Variants in RGS17 observed in about 807,000 individuals in gnomAD.
The protein encoded by RGS17 is regulator of G protein signaling 17.
In RGS17, 12 loss-of-function variants were observed where a neutral mutation model predicts 25.5. The observed-to-expected ratio is 0.47, with a 90% CI of 0.30 to 0.76. The LOEUF is 0.76. Ranked by LOEUF, RGS17 falls within the 30% of genes least tolerant of loss-of-function variation. The probability of loss-of-function intolerance (pLI) is 0.07; values close to 1 mark genes in which losing one functional copy is unlikely to be tolerated. For missense variants in RGS17, 196 were observed against 242.2 expected, an observed-to-expected ratio of 0.81 and a Z score of 1.27; for synonymous variants, 71 against 76.9, an observed-to-expected ratio of 0.92 and a Z score of 0.40.
chr6:153,129,217 A>G (rs1273084931), intron 1 of RGS17, among the ~76,000 whole-genome samples: 2 of 152,210 alleles, frequency 1.3e-5, no homozygotes, highest in Non-Finnish European at 2.9e-5. Context: ...AAAAGACTAT[A>G]AAAACTAGTG....
intron 1 of RGS17, among the ~76,000 whole-genome samples, chr6:153,114,752 C>A (rs1777520506): frequency 6.6e-6 from 1 of 152,172 alleles, no homozygotes; most frequent in African/African-American, 2.4e-5. Flanking sequence ...AGCTTCATCC[C>A]TGGGATGCAA....
At chr6:153,112,408 G>T (rs968940543) in intron 1 of RGS17, among the ~76,000 whole-genome samples, 12 of 152,124 alleles carry the variant, frequency 7.9e-5, no homozygotes, top group African/African-American at 2.9e-4. Context: ...ACGCCTCCAC[G>T]AAATATGGGA....
At chr6:153,095,744 A>T (rs1777199378) in intron 1 of RGS17, among the ~76,000 whole-genome samples, 1 of 152,202 alleles carries the variant, frequency 6.6e-6, no homozygotes, top group Non-Finnish European at 1.5e-5. Flanking sequence ...AGGACGCATA[A>T]ATCTCTGTAT....
intron 2 of RGS17, among the ~76,000 whole-genome samples, chr6:153,040,108 C>T (rs1489339014): frequency 1.7e-5 from 1 of 58,400 alleles, no homozygotes; most frequent in African/African-American, 9.1e-5. Context: ...TGGTTCTAAA[C>T]CACATCCTCC....
chr6:153,058,213 T>C (rs983220303), intron 1 of RGS17, among the ~76,000 whole-genome samples: 5 of 152,210 alleles, frequency 3.3e-5, no homozygotes, highest in African/African-American at 1.2e-4. Flanking sequence ...GAGTTGTTCA[T>C]AATGTTGCCA....
At chr6:153,123,872 G>A (rs1395463845) in intron 1 of RGS17, among the ~76,000 whole-genome samples, 1 of 152,162 alleles carries the variant, frequency 6.6e-6, no homozygotes, top group Non-Finnish European at 1.5e-5. Context: ...AGGGGAAAAG[G>A]CATAGTACAG....
chr6:153,070,547 G>A (rs1315126605), intron 1 of RGS17, among the ~76,000 whole-genome samples: 1 of 151,908 alleles, frequency 6.6e-6, no homozygotes, highest in African/African-American at 2.4e-5. Context: ...AGGACCTGTG[G>A]ATATGGAGGA....
chr6:153,129,146 T>C (rs538127552), intron 1 of RGS17, among the ~76,000 whole-genome samples: 14 of 152,352 alleles, frequency 9.2e-5, no homozygotes, highest in African/African-American at 3.1e-4. Flanking sequence ...CGAACACTTC[T>C]TTTCTTGTTA....
In RGS17 at chr6:153,024,466, G is replaced by T; in HGVS notation, c.240C>A (p.Ser80=). The T allele has an allele frequency of 1.2e-6, 2 of 1,614,162 alleles. No homozygotes were observed. Among genetic ancestry groups the T allele is most frequent in the Non-Finnish European group, 1.7e-6 (2 of 1,179,994 alleles). The change falls in exon 4 of 5, where the codon TCC becomes TCA. Residue 80 remains serine (S), a synonymous_variant. Transcript: ENST00000206262. Reference sequence around the variant, plus strand: ...TCATCTTGTCAAAATTTTGAGACCAGGACAAGACTTCCTCTGCAGTGGGGT... The same window carrying T: ...TCATCTTGTCAAAATTTTGAGACCATGACAAGACTTCCTCTGCAGTGGGGT... ...CQNPTAEEVL[S]WSQNFDKMMK...
chr6:153,094,426 A>G (rs1393102268), intron 1 of RGS17, among the ~76,000 whole-genome samples: 1 of 152,132 alleles, frequency 6.6e-6, no homozygotes, highest in African/African-American at 2.4e-5. Context: ...GTAATTAGAT[A>G]ATATCATAAT....
Position 153,032,431 on chromosome 6 carries a change from T to C in RGS17, c.120-5888A>G, listed in dbSNP as rs538410343. 1.7e-4 allele frequency among the ~76,000 whole-genome samples: 26 copies of C among 152,294 alleles called. No homozygotes were observed. In the South Asian group the frequency reaches 5.2e-3, roughly 30 times the overall value. On this transcript the variant is annotated intron_variant, in intron 2 of 4. Transcript: ENST00000206262. ...TCATTTGGCTTAAGCTTTTGTTTCA[T>C]GAACTTAAACTCAAGTAAAATAATC...
intron 1 of RGS17, among the ~76,000 whole-genome samples, chr6:153,089,801 A>G (rs1777101388): frequency 6.6e-6 from 1 of 152,208 alleles, no homozygotes; most frequent in Non-Finnish European, 1.5e-5. Context: ...TATATGTAAT[A>G]TAAGTATATA....
intron 1 of RGS17, among the ~76,000 whole-genome samples, chr6:153,098,405 A>C (rs1346899889): frequency 1.3e-5 from 2 of 152,206 alleles, no homozygotes; most frequent in Non-Finnish European, 2.9e-5. Context: ...CCAGATTTTA[A>C]CACTTCCCAC....
At chr6:153,118,136 C>T (rs1777569888) in intron 1 of RGS17, among the ~76,000 whole-genome samples, 1 of 152,286 alleles carries the variant, frequency 6.6e-6, no homozygotes, top group Admixed American at 6.5e-5. Flanking sequence ...TCTCTCCTCA[C>T]GTTCATGGAA....
At chr6:153,048,967 A>G (rs551422257) in intron 1 of RGS17, among the ~76,000 whole-genome samples, 192 of 152,232 alleles carry the variant, frequency 1.3e-3, no homozygotes, top group Non-Finnish European at 2.4e-3. Context: ...AGGTACACAA[A>G]TATTTGTAGA....
chr6:153,065,356 G>C (rs1023625673), intron 1 of RGS17, among the ~76,000 whole-genome samples: 3 of 152,180 alleles, frequency 2.0e-5, no homozygotes, highest in African/African-American at 7.2e-5. Context: ...GTAATGGCTA[G>C]AGACTTCAAC....
intron 1 of RGS17, among the ~76,000 whole-genome samples, chr6:153,079,956 T>C (rs1189967578): frequency 6.6e-6 from 1 of 152,146 alleles, no homozygotes; most frequent in Admixed American, 6.5e-5. Context: ...TTAATAGTTA[T>C]AGAGACATTT....
At chr6:153,054,660 A>G (rs1335147007) in intron 1 of RGS17, among the ~76,000 whole-genome samples, 1 of 145,342 alleles carries the variant, frequency 6.9e-6, no homozygotes, top group African/African-American at 2.5e-5. Context: ...CAAATAAATA[A>G]ATAAATAAAT....
intron 2 of RGS17, among the ~76,000 whole-genome samples, chr6:153,039,741 T>C (rs747859537): frequency 3.9e-5 from 6 of 152,226 alleles, no homozygotes; most frequent in Non-Finnish European, 7.3e-5. Flanking sequence ...CTGCCTTTCC[T>C]ATGGCCATTT....
Sources: gnomAD v4.1 joint callset for allele counts (sites outside exome capture counted in the v4.1 genomes callset) on GRCh38, gnomAD v4.1.1 for gene constraint, MANE v1.5 for transcripts, NCBI Gene and HGNC (gene_info 2026-07-23, HGNC 2026-07-21) for gene names.